The following MINPP1 variants were observed in gnomAD, a reference collection of about 807,000 sequenced individuals.
The protein encoded by MINPP1 is multiple inositol polyphosphate phosphatase 1.
Under a neutral mutation model 46.1 loss-of-function variants are expected in MINPP1, and 28 were observed. The ratio of observed to expected loss-of-function variants is 0.61; its 90% CI spans 0.45 to 0.83. MINPP1 has a LOEUF of 0.83. Among genes scored for constraint, MINPP1 ranks in the 40% least tolerant of loss-of-function variants. The probability of loss-of-function intolerance (pLI) is 0.00; values close to 1 mark genes in which losing one functional copy is unlikely to be tolerated. For synonymous variants in MINPP1, 268 were observed against 249.1 expected (o/e 1.08, Z -0.72); for missense variants, 603 against 610.0 (o/e 0.99, Z 0.12).
intron 3 of MINPP1, among the ~76,000 whole-genome samples, chr10:87,518,033 C>T (rs943862853): frequency 7.0e-6 from 1 of 143,574 alleles, no homozygotes; most frequent in Non-Finnish European, 1.5e-5. Flanking sequence ...GATCTCGGCT[C>T]ACTGCAAGCT....
intron 4 of MINPP1, among the ~76,000 whole-genome samples, chr10:87,547,017 G>A (rs1851897007): frequency 6.6e-6 from 1 of 152,170 alleles, no homozygotes; most frequent in African/African-American, 2.4e-5. Context: ...TGTTGCTGAA[G>A]AGTGTTACTA....
chr10:87,525,715 G>C (rs1218176342), intron 4 of MINPP1, among the ~76,000 whole-genome samples: 1 of 152,008 alleles, frequency 6.6e-6, no homozygotes, highest in Non-Finnish European at 1.5e-5. Context: ...CCCCACGACA[G>C]GCCCACGCCA....
chr10:87,514,440 G>T (rs542717254), intron 3 of MINPP1, among the ~76,000 whole-genome samples: 1 of 152,168 alleles, frequency 6.6e-6, no homozygotes, highest in Non-Finnish European at 1.5e-5. Context: ...ATAAGATTCA[G>T]GATCTAATAA....
At chr10:87,541,175 G>T (rs921745519) in intron 4 of MINPP1, among the ~76,000 whole-genome samples, 40 of 152,326 alleles carry the variant, frequency 2.6e-4, no homozygotes, top group African/African-American at 8.9e-4. Flanking sequence ...GGCAAACACA[G>T]CTATTTAAGA....
intron 4 of MINPP1, among the ~76,000 whole-genome samples, chr10:87,550,936 A>G (rs12259569): frequency 0.037 from 5,658 of 151,938 alleles, 285 homozygotes; most frequent in African/African-American, 0.11. Flanking sequence ...ATACTTCCCA[A>G]TTTCAGCTGC....
intron 4 of MINPP1, among the ~76,000 whole-genome samples, chr10:87,542,238 G>T (rs1382463801): frequency 6.6e-6 from 1 of 152,120 alleles, no homozygotes; most frequent in African/African-American, 2.4e-5. Context: ...AAAGAAAGGG[G>T]CAGTAGGCTC....
intron 2 of MINPP1, chr10:87,509,712 C>T: frequency 2.8e-6 from 1 of 356,434 alleles, no homozygotes; most frequent in Non-Finnish European, 5.7e-6. Flanking sequence ...TATTGTTTTG[C>T]AGATTTTAAA....
chr10:87,522,079 C>A lies in MINPP1; in HGVS notation c.1067+910C>A, dbSNP rs116108681. Among the ~76,000 whole-genome samples the A allele has an allele frequency of 9.7e-3, 1,474 of 152,034 alleles. 23 individuals are homozygous for A. Among genetic ancestry groups the A allele is most frequent in the African/African-American group, 0.034 (1,389 of 41,434 alleles). ...TATACATTTGTTAAGATATCTAACT[C>A]TTTAATTAAAACTGATGAATTTCAT... On this transcript the variant is annotated intron_variant, in intron 4 of 4. Transcript: ENST00000371996.
At chr10:87,536,597 C>T (rs1049362810) in intron 4 of MINPP1, among the ~76,000 whole-genome samples, 1 of 152,080 alleles carries the variant, frequency 6.6e-6, no homozygotes, top group Non-Finnish European at 1.5e-5. Context: ...CACTGATACA[C>T]TTTCTGTCAC....
At chr10:87,521,523 T>C (rs1851501416) in intron 4 of MINPP1, among the ~76,000 whole-genome samples, 1 of 152,214 alleles carries the variant, frequency 6.6e-6, no homozygotes, top group Non-Finnish European at 1.5e-5. Flanking sequence ...ATTATGAATG[T>C]ATTGGTGCCC....
intron 3 of MINPP1, 34 bp downstream of exon 3, chr10:87,513,255 TAAA>T (rs754937270): frequency 6.5e-7 from 1 of 1,549,344 alleles, no homozygotes; most frequent in Admixed American, 1.7e-5. Flanking sequence ...TTTGCTTTTT[TAAA>T]AAAATTTTTT....
rs762817657 is a variant in MINPP1, at chr10:87,513,772, CA to C, written c.933+554del. The stretch of plus-strand genomic sequence containing the variant: ...CTATTGGTGCTCTAACAAGTTACCA[CA>C]AACTTACTGGCTTAAAACAATATAA... On this transcript the variant is annotated intron_variant, in intron 3 of 4. Transcript: ENST00000371996. Among the ~76,000 whole-genome samples the C allele has an allele frequency of 3.9e-5, 6 of 152,256 alleles. No individual in the cohort carries two copies. In the East Asian group the frequency reaches 1.2e-3, roughly 29 times the overall value.
At chr10:87,509,284 A>G (rs983733346) in intron 2 of MINPP1, among the ~76,000 whole-genome samples, 2 of 152,202 alleles carry the variant, frequency 1.3e-5, no homozygotes, top group African/African-American at 4.8e-5. Flanking sequence ...TTAATTTCCA[A>G]AAGACTGGAA....
At chr10:87,510,054 C>T (rs1851313289) in intron 2 of MINPP1, among the ~76,000 whole-genome samples, 1 of 152,004 alleles carries the variant, frequency 6.6e-6, no homozygotes, top group Admixed American at 6.6e-5. Context: ...TGAATCTTGA[C>T]TCTACTATCC....
chr10:87,536,550 C>G (rs1036539409), intron 4 of MINPP1, among the ~76,000 whole-genome samples: 5 of 152,054 alleles, frequency 3.3e-5, no homozygotes, highest in African/African-American at 1.2e-4. Flanking sequence ...TCTTTGTGAC[C>G]CTTTCTAATT....
chr10:87,530,712 C>G (rs1487306342), intron 4 of MINPP1, among the ~76,000 whole-genome samples: 1 of 152,152 alleles, frequency 6.6e-6, no homozygotes, highest in African/African-American at 2.4e-5. Context: ...CTGGGAGAAC[C>G]AGTACTCTCT....
At chr10:87,542,727 TC>T (rs1851833522) in intron 4 of MINPP1, among the ~76,000 whole-genome samples, 2 of 152,214 alleles carry the variant, frequency 1.3e-5, no homozygotes, top group African/African-American at 4.8e-5. Context: ...GAGCCACGCT[TC>T]CTGTACAGCC....
At chr10:87,528,156 ACCT>A (rs1474377270) in intron 4 of MINPP1, among the ~76,000 whole-genome samples, 1 of 151,794 alleles carries the variant, frequency 6.6e-6, no homozygotes, top group Non-Finnish European at 1.5e-5. Context: ...TCAAAAACCC[ACCT>A]CCTAGATTCA....
intron 2 of MINPP1, 48 bp from the exon 3 acceptor site, chr10:87,513,076 A>G (rs1471081887): frequency 1.4e-6 from 2 of 1,382,022 alleles, no homozygotes; most frequent in Non-Finnish European, 2.1e-6. Context: ...CCTTTGAAAA[A>G]TTGCAGAAAA....
Sources: allele counts gnomAD v4.1 joint callset (sites outside exome capture counted in the v4.1 genomes callset), GRCh38; gene constraint gnomAD v4.1.1; transcripts MANE v1.5; gene names NCBI Gene and HGNC (gene_info 2026-07-23, HGNC 2026-07-21).